MSR1: variants seen among roughly 807,000 people sequenced by gnomAD.
The protein encoded by MSR1 is macrophage scavenger receptor 1, also known as macrophage scavenger receptor types I and II.
In MSR1, 53 loss-of-function variants were observed where a neutral mutation model predicts 47.2. The ratio of observed to expected loss-of-function variants is 1.12; its 90% CI spans 0.90 to 1.41. The LOEUF (loss-of-function observed/expected upper bound fraction) is 1.41. Ranked by LOEUF, MSR1 falls within the 40% of genes most tolerant of loss-of-function variation. MSR1 has a pLI of 0.00. For missense variants in MSR1, 786 were observed against 546.9 expected (o/e 1.44, Z -4.36); for synonymous variants, 239 against 185.6 (o/e 1.29, Z -2.34).
chr8:16,132,630 G>C (rs1431846794), intron 8 of MSR1, among the ~76,000 whole-genome samples: 1 of 152,096 alleles, frequency 6.6e-6, no homozygotes, highest in African/African-American at 2.4e-5. Flanking sequence ...TGGGACTACA[G>C]GCACCCACCA....
intron 3 of MSR1, among the ~76,000 whole-genome samples, chr8:16,173,614 C>T (rs141619398): frequency 6.6e-6 from 1 of 152,036 alleles, no homozygotes; most frequent in Non-Finnish European, 1.5e-5. Flanking sequence ...TTAATTGTTA[C>T]CTCTAGAAAA....
rs1801987900 is a variant in MSR1, at chr8:16,186,023, C to T, written c.-5+6575G>A. 3 of 734,252 alleles carry T rather than the reference C, an allele frequency of 4.1e-6. No homozygotes were observed. In the Admixed American group the frequency reaches 8.3e-5, roughly 20 times the overall value. The allele number at this position is 734,252 out of a possible 1,614,324, so 45.5% of individuals were successfully genotyped here. A position where few individuals can be genotyped will look rare whatever the true frequency, so the allele number is the denominator to read the frequency against. On this transcript the variant is annotated intron_variant, in intron 1 of 9. Coordinates refer to ENST00000262101, the MANE Select transcript of MSR1 (RefSeq NM_138715.3). ...AAGAAGTTCGTGGCCTGCAAGAAAT[C>T]CATAACCTGCCACATAGAATTTAAG...
Position 16,175,334 on chromosome 8 carries a change from A to T in MSR1, c.104-34T>A, listed in dbSNP as rs1034100340. ...ACAAAAAAGCCCAGCCTACTGTTAG[A>T]AAGTGTTGTCTTCTTCCATAATTAA... On this transcript the variant is annotated intron_variant, in intron 2 of 9. Transcript: ENST00000262101. 3 of 1,513,828 alleles carry T rather than the reference A, an allele frequency of 2.0e-6. No homozygotes were observed. The South Asian group carries it at 3.4e-5, about 17-fold the overall frequency. The allele number at this position is 1,513,828 out of a possible 1,614,324, so 93.8% of individuals were successfully genotyped here. A position where few individuals can be genotyped will look rare whatever the true frequency, so the allele number is the denominator to read the frequency against.
chr8:16,122,033 T>C (rs770363382), intron 8 of MSR1, among the ~76,000 whole-genome samples: 1 of 152,078 alleles, frequency 6.6e-6, no homozygotes, highest in Non-Finnish European at 1.5e-5. Flanking sequence ...ACCTGAGCTA[T>C]GCAGAAACAT....
At chr8:16,139,238 G>A in intron 8 of MSR1, 4 of 981,194 alleles carry the variant, frequency 4.1e-6, no homozygotes, top group Non-Finnish European at 4.8e-6. Flanking sequence ...CTCCTATTCT[G>A]ATTACAGATT....
intron 6 of MSR1, among the ~76,000 whole-genome samples, chr8:16,151,806 C>T (rs1800869105): frequency 6.6e-6 from 1 of 152,126 alleles, no homozygotes; most frequent in African/African-American, 2.4e-5. Flanking sequence ...TCCATTCAGG[C>T]TCCTTCCTGC....
intron 3 of MSR1, among the ~76,000 whole-genome samples, chr8:16,169,742 AC>A (rs1801427046): frequency 6.6e-6 from 1 of 151,902 alleles, no homozygotes; most frequent in Non-Finnish European, 1.5e-5. Flanking sequence ...ATATTATTCT[AC>A]AAAAATAATT....
intron 9 of MSR1, among the ~76,000 whole-genome samples, chr8:16,112,532 G>A (rs934215637): frequency 2.0e-5 from 3 of 151,784 alleles, no homozygotes; most frequent in Non-Finnish European, 2.9e-5. Context: ...TTGAGCCCAG[G>A]GGAAAAATTT....
chr8:16,184,697 A>T (rs142312190), intron 1 of MSR1, among the ~76,000 whole-genome samples: 77 of 152,312 alleles, frequency 5.1e-4, no homozygotes, highest in African/African-American at 1.7e-3. Context: ...TAATATTATT[A>T]GTGAGACAAT....
chr8:16,141,832 A>C (rs2117110277), intron 8 of MSR1, among the ~76,000 whole-genome samples: 1 of 152,328 alleles, frequency 6.6e-6, no homozygotes, highest in African/African-American at 2.4e-5. Context: ...ATAAAAAAAA[A>C]ATAGTTTCTT....
At chr8:16,152,519 T>C (rs959637942) in intron 6 of MSR1, among the ~76,000 whole-genome samples, 4 of 151,918 alleles carry the variant, frequency 2.6e-5, no homozygotes, top group African/African-American at 7.2e-5. Context: ...AGGAAGTAAA[T>C]AGTACTGGTT....
At chr8:16,184,272 T>C (rs759875583) in intron 1 of MSR1, among the ~76,000 whole-genome samples, 3 of 151,996 alleles carry the variant, frequency 2.0e-5, no homozygotes, top group Non-Finnish European at 2.9e-5. Flanking sequence ...TTCCTGTCTC[T>C]CCCATTAAAG....
chr8:16,170,149 A>G (rs1409214949), intron 3 of MSR1, among the ~76,000 whole-genome samples: 3 of 152,144 alleles, frequency 2.0e-5, no homozygotes, highest in Admixed American at 2.0e-4. Context: ...GGAGATCAAG[A>G]CCATCCTGGC....
chr8:16,165,730 A>T (rs1158952368), intron 4 of MSR1, among the ~76,000 whole-genome samples: 1 of 152,162 alleles, frequency 6.6e-6, no homozygotes, highest in Non-Finnish European at 1.5e-5. Context: ...TGAGAGGATC[A>T]AGATGGTCAG....
At chr8:16,132,903 G>T (rs1305522627) in intron 8 of MSR1, among the ~76,000 whole-genome samples, 1 of 152,064 alleles carries the variant, frequency 6.6e-6, no homozygotes, top group Non-Finnish European at 1.5e-5. Context: ...TGTCGCTGTG[G>T]GTTTTTCAAA....
rs1799705639 is a variant in MSR1, at chr8:16,109,335, G to T, written c.*750C>A. ...ACACCATGTCCTAGAATTGTAACAAGCTAATTATTCCATTTAAAGTGCATA... is the reference window on the plus strand; with the variant it reads ...ACACCATGTCCTAGAATTGTAACAATCTAATTATTCCATTTAAAGTGCATA... On this transcript the variant is annotated 3_prime_UTR_variant, in exon 10 of 10. Coordinates refer to ENST00000262101, the MANE Select transcript of MSR1 (RefSeq NM_138715.3). The T allele has an allele frequency of 3.3e-5, 5 of 152,182 alleles. No individual in the cohort carries two copies. Among genetic ancestry groups the T allele is most frequent in the Admixed American group, 3.3e-4 (5 of 15,266 alleles). The allele number at this position is 152,182 out of a possible 1,614,324, so 9.4% of individuals were successfully genotyped here.
At chr8:16,148,748 C>G (rs1421926383) in intron 7 of MSR1, among the ~76,000 whole-genome samples, 2 of 152,082 alleles carry the variant, frequency 1.3e-5, no homozygotes, top group Admixed American at 1.3e-4. Flanking sequence ...GTGTGAGCCA[C>G]CACGCCCAGC....
At chr8:16,184,925 C>G (rs1474835735) in intron 1 of MSR1, among the ~76,000 whole-genome samples, 3 of 151,898 alleles carry the variant, frequency 2.0e-5, no homozygotes, top group Non-Finnish European at 4.4e-5. Context: ...TAGTACATGT[C>G]TATGAGTGAT....
At chr8:16,144,023 G>A (rs2117116068) in intron 7 of MSR1, among the ~76,000 whole-genome samples, 1 of 152,126 alleles carries the variant, frequency 6.6e-6, no homozygotes, top group Non-Finnish European at 1.5e-5. Context: ...TCTTTAGAGT[G>A]TACCATCCCC....
Sources: allele counts gnomAD v4.1 joint callset (sites outside exome capture counted in the v4.1 genomes callset), GRCh38; gene constraint gnomAD v4.1.1; transcripts MANE v1.5; gene names NCBI Gene and HGNC (gene_info 2026-07-23, HGNC 2026-07-21).